Variants in SVIL observed in about 807,000 individuals in gnomAD.
The protein encoded by SVIL is supervillin, also known as archvillin.
A neutral mutation model predicts 240.4 loss-of-function variants in SVIL; 101 were observed. That is an observed-to-expected ratio of 0.42 (90% CI 0.36 to 0.50). SVIL has a LOEUF of 0.50. Ranked by LOEUF, SVIL falls within the 20% of genes least tolerant of loss-of-function variation. The pLI, the probability that SVIL is intolerant of heterozygous loss-of-function variation, is 0.01. For missense variants in SVIL, 2,512 were observed against 2,818.7 expected (o/e 0.89, Z 2.46); for synonymous variants, 999 against 1,100.0 (o/e 0.91, Z 1.82).
chr10:29,609,096 T>G (rs1957137237), intron 1 of SVIL, among the ~76,000 whole-genome samples: 1 of 152,238 alleles, frequency 6.6e-6, no homozygotes, highest in South Asian at 2.1e-4. Flanking sequence ...TTGGGTCTCC[T>G]GACAGCTGTT....
intron 1 of SVIL, among the ~76,000 whole-genome samples, chr10:29,590,397 C>T (rs1956345801): frequency 6.6e-6 from 1 of 152,112 alleles, no homozygotes; most frequent in Non-Finnish European, 1.5e-5. Context: ...TAGTCACTGT[C>T]TACGAAGCAG....
intron 1 of SVIL, among the ~76,000 whole-genome samples, chr10:29,603,435 T>C (rs1956891554): frequency 6.6e-6 from 1 of 152,262 alleles, no homozygotes; most frequent in Non-Finnish European, 1.5e-5. Flanking sequence ...TGTACTCATA[T>C]GAAGCTTTTA....
intron 1 of SVIL, among the ~76,000 whole-genome samples, chr10:29,699,035 C>T (rs2132637902): frequency 1.3e-5 from 2 of 152,346 alleles, no homozygotes; most frequent in East Asian, 3.9e-4. Context: ...AACAACTGGT[C>T]CACAGGCTGG....
chr10:29,510,804 C>T (rs1469937229), intron 17 of SVIL, among the ~76,000 whole-genome samples: 3 of 139,348 alleles, frequency 2.2e-5, no homozygotes, highest in South Asian at 4.6e-4. Flanking sequence ...AGGTTTAAGG[C>T]GCCTCACCCA....
intron 1 of SVIL, among the ~76,000 whole-genome samples, chr10:29,587,999 G>C (rs575803632): frequency 6.6e-6 from 1 of 152,088 alleles, no homozygotes; most frequent in African/African-American, 2.4e-5. Flanking sequence ...ACTGTACTAC[G>C]CATACAAGGA....
At chr10:29,578,144 A>T (rs1955785552) in intron 1 of SVIL, among the ~76,000 whole-genome samples, 1 of 152,266 alleles carries the variant, frequency 6.6e-6, no homozygotes, top group South Asian at 2.1e-4. Context: ...ATATTATATT[A>T]GAGATGCACA....
At chr10:29,462,847 C>T (rs1045319434) in intron 35 of SVIL, among the ~76,000 whole-genome samples, 1 of 152,130 alleles carries the variant, frequency 6.6e-6, no homozygotes, top group Non-Finnish European at 1.5e-5. Flanking sequence ...TTATTTATTG[C>T]TAAAGAGTTT....
At chr10:29,638,509 A>T (rs145411300), upstream of SVIL, among the ~76,000 whole-genome samples, 1 of 152,168 alleles carries the variant, frequency 6.6e-6, no homozygotes, top group Non-Finnish European at 1.5e-5. Flanking sequence ...CCAAGGAAAA[A>T]GCATCCCAAC....
intron 1 of SVIL, among the ~76,000 whole-genome samples, chr10:29,569,545 G>T (rs1288081412): frequency 6.6e-6 from 1 of 152,136 alleles, no homozygotes; most frequent in African/African-American, 2.4e-5. Context: ...CATACTCCAT[G>T]GGTAAATGAA....
chr10:29,481,225 G>A (rs1344446665), intron 28 of SVIL, among the ~76,000 whole-genome samples: 1 of 150,784 alleles, frequency 6.6e-6, no homozygotes, highest in African/African-American at 2.4e-5. Context: ...TATTTTAGTT[G>A]ACACATTATT....
intron 17 of SVIL, among the ~76,000 whole-genome samples, chr10:29,506,136 T>A (rs777499427): frequency 5.9e-5 from 9 of 152,216 alleles, no homozygotes; most frequent in Non-Finnish European, 1.2e-4. Flanking sequence ...GTTGGTTGAA[T>A]CCTTGGATGC....
At chr10:29,612,352 T>C (rs1957278170) in intron 1 of SVIL, among the ~76,000 whole-genome samples, 1 of 152,212 alleles carries the variant, frequency 6.6e-6, no homozygotes, top group Admixed American at 6.5e-5. Flanking sequence ...TAGCTTCTTG[T>C]GTATTGGTAG....
At chr10:29,625,641 T>A (rs1371572990) in intron 1 of SVIL, among the ~76,000 whole-genome samples, 1 of 152,106 alleles carries the variant, frequency 6.6e-6, no homozygotes, top group Non-Finnish European at 1.5e-5. Context: ...TTTTTGTATT[T>A]TTAGTAGAGA....
intron 5 of SVIL, among the ~76,000 whole-genome samples, 184 bp downstream of exon 5, chr10:29,554,599 G>A (rs1953725413): frequency 6.6e-6 from 1 of 152,164 alleles, no homozygotes. Flanking sequence ...AGGCTGCAGC[G>A]AGCTATGATC....
intron 22 of SVIL, among the ~76,000 whole-genome samples, chr10:29,489,045 C>G (rs945173967): frequency 1.3e-5 from 2 of 152,212 alleles, no homozygotes; most frequent in Non-Finnish European, 2.9e-5. Context: ...AGTACAAAAC[C>G]AGGAGCTGGA....
At chr10:29,559,199 T>C (rs1407927200) in intron 3 of SVIL, among the ~76,000 whole-genome samples, 1 of 152,004 alleles carries the variant, frequency 6.6e-6, no homozygotes, top group Non-Finnish European at 1.5e-5. Flanking sequence ...TGTGTTCTTT[T>C]AAAACTTCAA....
At chr10:29,536,150 T>A in intron 6 of SVIL, 81 bp from the exon 7 acceptor site, 1 of 1,311,960 alleles carries the variant, frequency 7.6e-7, no homozygotes, top group Non-Finnish European at 1.1e-6. Context: ...ACTTAAAACC[T>A]AAAGGCTGAT....
chr10:29,623,694 CA>C (rs1189953350), intron 1 of SVIL, among the ~76,000 whole-genome samples: 1 of 151,894 alleles, frequency 6.6e-6, no homozygotes, highest in African/African-American at 2.4e-5. Flanking sequence ...ACTAAAAATA[CA>C]AAAAAAATTA....
intron 1 of SVIL, among the ~76,000 whole-genome samples, chr10:29,704,991 G>A (rs1257648284): frequency 6.6e-6 from 1 of 152,180 alleles, no homozygotes; most frequent in Non-Finnish European, 1.5e-5. Context: ...TCTAAACCAT[G>A]TACATTTGGT....
Sources: gnomAD v4.1 joint callset for allele counts (sites outside exome capture counted in the v4.1 genomes callset) on GRCh38, gnomAD v4.1.1 for gene constraint, MANE v1.5 for transcripts, NCBI Gene and HGNC (gene_info 2026-07-23, HGNC 2026-07-21) for gene names.